Variants in FSTL5 observed in about 807,000 individuals in gnomAD.
FSTL5 encodes follistatin like 5, also known as follistatin-related protein 5.
FSTL5 carries 62 observed loss-of-function variants against 89.1 expected under a neutral mutation model. The observed-to-expected ratio is 0.70, with a 90% CI of 0.57 to 0.86. The LOEUF (loss-of-function observed/expected upper bound fraction) is 0.86. FSTL5 is among the 40% of genes least tolerant of loss of function. FSTL5 has a pLI of 0.00. For missense variants in FSTL5, 1,057 were observed against 1,001.6 expected, an observed-to-expected ratio of 1.06 and a Z score of -0.75; for synonymous variants, 383 against 346.2, an observed-to-expected ratio of 1.11 and a Z score of -1.18.
intron 2 of FSTL5, among the ~76,000 whole-genome samples, chr4:162,049,943 T>C (rs888994782): frequency 6.6e-6 from 1 of 151,954 alleles, no homozygotes; most frequent in Non-Finnish European, 1.5e-5. Flanking sequence ...AGGAGTTAAA[T>C]AGCAGGATAA....
intron 7 of FSTL5, among the ~76,000 whole-genome samples, chr4:161,594,544 C>G (rs965983213): frequency 6.6e-6 from 1 of 151,972 alleles, no homozygotes; most frequent in Admixed American, 6.6e-5. Flanking sequence ...CACCAAATCT[C>G]TTTTAGTTAC....
chr4:161,596,372 T>G (rs907862417), intron 7 of FSTL5, among the ~76,000 whole-genome samples: 1 of 151,932 alleles, frequency 6.6e-6, no homozygotes, highest in Non-Finnish European at 1.5e-5. Flanking sequence ...AACTATTGCT[T>G]AAAATTATTA....
intron 13 of FSTL5, among the ~76,000 whole-genome samples, chr4:161,471,511 G>A (rs1379561723): frequency 1.3e-5 from 2 of 152,176 alleles, no homozygotes; most frequent in African/African-American, 4.8e-5. Context: ...AGCTGTGGGT[G>A]TGTTTTCTTG....
intron 2 of FSTL5, among the ~76,000 whole-genome samples, chr4:162,098,412 G>T (rs532398917): frequency 6.6e-6 from 1 of 152,042 alleles, no homozygotes; most frequent in African/African-American, 2.4e-5. Context: ...GATGTATTTT[G>T]CAAAAATATA....
At chr4:162,150,365 T>C (rs572865462) in intron 1 of FSTL5, among the ~76,000 whole-genome samples, 1 of 152,156 alleles carries the variant, frequency 6.6e-6, no homozygotes, top group Non-Finnish European at 1.5e-5. Flanking sequence ...GAAACCTTGA[T>C]GTCAGCTTGG....
At chr4:161,402,817 C>T (rs1731227012) in intron 15 of FSTL5, among the ~76,000 whole-genome samples, 1 of 151,602 alleles carries the variant, frequency 6.6e-6, no homozygotes, top group South Asian at 2.1e-4. Flanking sequence ...TAGTTACTTG[C>T]CAGAACTTTT....
intron 8 of FSTL5, among the ~76,000 whole-genome samples, chr4:161,552,759 G>T (rs1033588845): frequency 3.3e-5 from 5 of 151,672 alleles, no homozygotes; most frequent in African/African-American, 7.3e-5. Context: ...AGAATTGAAG[G>T]ATAAGTGATT....
chr4:161,463,916 C>T (rs1733661422), intron 13 of FSTL5, among the ~76,000 whole-genome samples: 1 of 152,152 alleles, frequency 6.6e-6, no homozygotes, highest in South Asian at 2.1e-4. Context: ...TGAACACAGT[C>T]ACCATTATCA....
intron 2 of FSTL5, among the ~76,000 whole-genome samples, chr4:162,060,119 C>T (rs1237518302): frequency 6.6e-6 from 1 of 152,010 alleles, no homozygotes; most frequent in Non-Finnish European, 1.5e-5. Flanking sequence ...AATAATCAGT[C>T]GGTTTGTGTT....
chr4:162,051,830 T>C (rs1738387982), intron 2 of FSTL5, among the ~76,000 whole-genome samples: 1 of 151,296 alleles, frequency 6.6e-6, no homozygotes, highest in Non-Finnish European at 1.5e-5. Flanking sequence ...AAAAACAGTA[T>C]TTGTGGGAAA....
At chr4:161,462,978 C>A (rs1733632575) in intron 13 of FSTL5, among the ~76,000 whole-genome samples, 1 of 151,906 alleles carries the variant, frequency 6.6e-6, no homozygotes, top group Non-Finnish European at 1.5e-5. Context: ...AAGTACAATG[C>A]AGGATAAAAT....
chr4:161,497,959 A>C (rs966671865), intron 12 of FSTL5, among the ~76,000 whole-genome samples: 1 of 151,646 alleles, frequency 6.6e-6, no homozygotes, highest in Non-Finnish European at 1.5e-5. Flanking sequence ...TTTTCTCTGT[A>C]TCTATTAATA....
intron 15 of FSTL5, among the ~76,000 whole-genome samples, chr4:161,448,485 T>A (rs944968865): frequency 6.6e-6 from 1 of 152,154 alleles, no homozygotes; most frequent in African/African-American, 2.4e-5. Context: ...TTTGATAAAA[T>A]ATGGGGGAGA....
intron 7 of FSTL5, among the ~76,000 whole-genome samples, chr4:161,604,014 A>AAAATAATAAG (rs1215746847): frequency 6.6e-6 from 1 of 152,188 alleles, no homozygotes; most frequent in Non-Finnish European, 1.5e-5. Flanking sequence ...TGCAATTTTA[A>AAAATAATAAG]AAATAATAAG....
intron 4 of FSTL5, among the ~76,000 whole-genome samples, chr4:161,808,654 T>G (rs543800564): frequency 1.5e-4 from 23 of 151,784 alleles, no homozygotes; most frequent in African/African-American, 5.6e-4. Context: ...AAAATGAAAC[T>G]CATCAAAATT....
intron 2 of FSTL5, among the ~76,000 whole-genome samples, chr4:162,076,543 C>T (rs1729853766): frequency 6.6e-6 from 1 of 151,672 alleles, no homozygotes; most frequent in Non-Finnish European, 1.5e-5. Flanking sequence ...TGAGACAAAC[C>T]CACAATTATT....
At chr4:161,753,426 A>G (rs950776802) in intron 6 of FSTL5, among the ~76,000 whole-genome samples, 1 of 152,134 alleles carries the variant, frequency 6.6e-6, no homozygotes, top group Admixed American at 6.5e-5. Flanking sequence ...AATTCAAGTT[A>G]ATTCTGTTCA....
chr4:161,669,533 C>A (rs561182138), intron 6 of FSTL5, among the ~76,000 whole-genome samples: 12 of 151,918 alleles, frequency 7.9e-5, no homozygotes, highest in African/African-American at 2.9e-4. Context: ...AATGACAATG[C>A]AAGGTAGAAA....
intron 3 of FSTL5, among the ~76,000 whole-genome samples, chr4:162,010,558 A>G (rs1360492008): frequency 2.6e-5 from 4 of 152,186 alleles, no homozygotes; most frequent in African/African-American, 9.7e-5. Flanking sequence ...CATAATCTCA[A>G]AAGCAACTCT....
Sources: gnomAD v4.1 joint callset for allele counts (sites outside exome capture counted in the v4.1 genomes callset) on GRCh38, gnomAD v4.1.1 for gene constraint, MANE v1.5 for transcripts, NCBI Gene and HGNC (gene_info 2026-07-23, HGNC 2026-07-21) for gene names.